SSBP2: variants seen among roughly 807,000 people sequenced by gnomAD.
The protein encoded by SSBP2 is single-stranded DNA-binding protein 2.
SSBP2 carries 17 observed loss-of-function variants against 61.8 expected under a neutral mutation model. The observed-to-expected ratio is 0.28, with a 90% CI of 0.19 to 0.41. SSBP2 has a LOEUF of 0.41. SSBP2 is among the 10% of genes least tolerant of loss of function. The pLI is 1.00. For missense variants in SSBP2, 310 were observed against 458.7 expected (o/e 0.68, Z 2.96); for synonymous variants, 139 against 141.3 (o/e 0.98, Z 0.12).
intron 1 of SSBP2, among the ~76,000 whole-genome samples, chr5:81,741,322 C>T (rs1225112743): frequency 1.3e-5 from 2 of 152,126 alleles, no homozygotes; most frequent in African/African-American, 4.8e-5. Flanking sequence ...TTGTCAAGGG[C>T]ACATAGAAGG....
chr5:81,584,929 CACTT>C (rs1450070498), intron 4 of SSBP2, among the ~76,000 whole-genome samples: 3 of 152,032 alleles, frequency 2.0e-5, no homozygotes, highest in African/African-American at 4.8e-5. Flanking sequence ...TATATTTTCT[CACTT>C]AGTCTTCATA....
At chr5:81,741,661 G>C (rs1401406934) in intron 1 of SSBP2, among the ~76,000 whole-genome samples, 1 of 152,118 alleles carries the variant, frequency 6.6e-6, no homozygotes, top group African/African-American at 2.4e-5. Flanking sequence ...GAATAGAGAA[G>C]AGTTCACTGA....
chr5:81,704,323 C>A (rs1754208174), intron 1 of SSBP2, among the ~76,000 whole-genome samples: 1 of 152,210 alleles, frequency 6.6e-6, no homozygotes, highest in Non-Finnish European at 1.5e-5. Context: ...AATAACATCA[C>A]TGGCTCCCAT....
intron 4 of SSBP2, among the ~76,000 whole-genome samples, chr5:81,536,595 A>AGCACATAGAT (rs1289185319): frequency 6.6e-6 from 1 of 152,156 alleles, no homozygotes; most frequent in Non-Finnish European, 1.5e-5. Flanking sequence ...TCCATACAAA[A>AGCACATAGAT]GCTTGCACAT....
In SSBP2 at chr5:81,466,956, T is replaced by C. The variant is rs1184110214; in HGVS notation, c.638+18A>G. On this transcript the variant is annotated intron_variant, in intron 9 of 16. Transcript: ENST00000320672. ...ATCATCCACGTAATAATGTAGTATATGATATAACATTGCTTACATGTTCAT... is the reference window on the plus strand; with the variant it reads ...ATCATCCACGTAATAATGTAGTATACGATATAACATTGCTTACATGTTCAT... The C allele has an allele frequency of 6.7e-7, 1 of 1,500,988 alleles. No individual in the cohort carries two copies. 93.0% of individuals were successfully genotyped at this position (1,500,988 alleles called of 1,614,324 possible).
At chr5:81,583,965 G>A (rs1384716811) in intron 4 of SSBP2, among the ~76,000 whole-genome samples, 2 of 152,144 alleles carry the variant, frequency 1.3e-5, no homozygotes, top group Admixed American at 1.3e-4. Context: ...AAAATACAAT[G>A]ATTATATTAC....
intron 4 of SSBP2, among the ~76,000 whole-genome samples, chr5:81,574,849 C>T (rs1306615764): frequency 1.3e-5 from 2 of 152,074 alleles, no homozygotes; most frequent in Non-Finnish European, 2.9e-5. Context: ...ATCCCCCTCC[C>T]TCAAAAAGCA....
chr5:81,547,741 G>A (rs978298392), intron 4 of SSBP2, among the ~76,000 whole-genome samples: 7 of 152,090 alleles, frequency 4.6e-5, no homozygotes, highest in South Asian at 2.1e-4. Flanking sequence ...ACAAAATGCT[G>A]GAATTAAACA....
At chr5:81,545,011 A>G (rs992534440) in intron 4 of SSBP2, among the ~76,000 whole-genome samples, 4 of 152,208 alleles carry the variant, frequency 2.6e-5, no homozygotes, top group African/African-American at 9.6e-5. Context: ...AAGGAGTATG[A>G]GACTCTCACT....
intron 4 of SSBP2, among the ~76,000 whole-genome samples, chr5:81,545,043 C>T (rs1048061396): frequency 2.0e-5 from 3 of 152,132 alleles, no homozygotes; most frequent in Non-Finnish European, 1.5e-5. Context: ...GTAGAGCCAC[C>T]CACCTCTTCT....
In SSBP2 at chr5:81,643,894, C is replaced by T. The variant is rs537231548; in HGVS notation, c.135+6373G>A. Among the ~76,000 whole-genome samples the T allele has an allele frequency of 2.5e-4, 38 of 152,110 alleles. 1 individual carries two copies. The South Asian group carries it at 3.7e-3, about 15-fold the overall frequency. ...CTGGGATTACATGCGTGAGCCACCG[C>T]GCCTGGCCCAAATTTTTACATTTTA... is the stretch of plus-strand genomic sequence containing the variant. On this transcript the variant is annotated intron_variant, in intron 2 of 16. Coordinates refer to ENST00000320672, the MANE Select transcript of SSBP2 (RefSeq NM_012446.5).
intron 5 of SSBP2, among the ~76,000 whole-genome samples, chr5:81,506,165 C>A (rs1194076576): frequency 6.6e-6 from 1 of 152,022 alleles, no homozygotes; most frequent in African/African-American, 2.4e-5. Context: ...TTGCTTTTAT[C>A]TTTATAACAG....
intron 1 of SSBP2, among the ~76,000 whole-genome samples, chr5:81,736,265 C>T (rs200319874): frequency 1.3e-5 from 2 of 152,078 alleles, no homozygotes; most frequent in African/African-American, 2.4e-5. Flanking sequence ...ACAAAATTGG[C>T]GCTATGCCAA....
chr5:81,670,441 C>G (rs1003296695), intron 1 of SSBP2, among the ~76,000 whole-genome samples: 1 of 152,138 alleles, frequency 6.6e-6, no homozygotes, highest in African/African-American at 2.4e-5. Flanking sequence ...AGTAAAGTTC[C>G]TATCTCCATC....
chr5:81,746,628 G>A, intron 1 of SSBP2, among the ~76,000 whole-genome samples: 1 of 152,076 alleles, frequency 6.6e-6, no homozygotes, highest in Admixed American at 6.6e-5. Context: ...TCATTATACT[G>A]TAACTACTTT....
At chr5:81,719,306 C>A (rs1353151877) in intron 1 of SSBP2, among the ~76,000 whole-genome samples, 1 of 152,182 alleles carries the variant, frequency 6.6e-6, no homozygotes, top group African/African-American at 2.4e-5. Context: ...CCATGCCCAT[C>A]CCCGCTTCCT....
intron 7 of SSBP2, 96 bp downstream of exon 7, chr5:81,474,400 G>A (rs1765451420): frequency 9.6e-7 from 1 of 1,044,542 alleles, no homozygotes; most frequent in East Asian, 2.6e-5. Flanking sequence ...TATAACTATA[G>A]GAGATTTACT....
At chr5:81,499,828 T>C (rs998011849) in intron 5 of SSBP2, among the ~76,000 whole-genome samples, 7 of 152,246 alleles carry the variant, frequency 4.6e-5, no homozygotes, top group Non-Finnish European at 8.8e-5. Context: ...TTCTCTACTT[T>C]ATATTCCTAC....
chr5:81,580,533 T>A (rs931927253), intron 4 of SSBP2, among the ~76,000 whole-genome samples: 7 of 152,070 alleles, frequency 4.6e-5, no homozygotes, highest in Non-Finnish European at 4.4e-5. Flanking sequence ...CCAACCCCGA[T>A]GTTTATATTC....
Sources: allele counts gnomAD v4.1 joint callset (sites outside exome capture counted in the v4.1 genomes callset), GRCh38; gene constraint gnomAD v4.1.1; transcripts MANE v1.5; gene names NCBI Gene and HGNC (gene_info 2026-07-23, HGNC 2026-07-21).